Variants in ADGRA3 observed in about 807,000 individuals in gnomAD.
ADGRA3 encodes the protein G-protein coupled receptor 125.
In ADGRA3, 56 loss-of-function variants were observed where a neutral mutation model predicts 119.8. That is an observed-to-expected ratio of 0.47 (90% confidence interval 0.38 to 0.58). ADGRA3 has a LOEUF of 0.58. Ranked by LOEUF, ADGRA3 falls within the 20% of genes least tolerant of loss-of-function variation. The probability of loss-of-function intolerance (pLI) is 0.00; values close to 1 mark genes in which losing one functional copy is unlikely to be tolerated. For synonymous variants in ADGRA3, 607 were observed against 623.8 expected (o/e 0.97, Z 0.40); for missense variants, 1,516 against 1,649.0 (o/e 0.92, Z 1.40).
intron 10 of ADGRA3, among the ~76,000 whole-genome samples, chr4:22,433,009 A>C (rs1398906691): frequency 6.6e-6 from 1 of 152,228 alleles, no homozygotes; most frequent in Non-Finnish European, 1.5e-5. Context: ...GAAGCCCTCA[A>C]GCCTCCTAGT....
intron 1 of ADGRA3, among the ~76,000 whole-genome samples, chr4:22,510,500 G>C (rs1167735240): frequency 4.6e-5 from 7 of 151,920 alleles, no homozygotes; most frequent in African/African-American, 1.7e-4. Flanking sequence ...CTATGTTCTA[G>C]TGTGGTTCTG....
Position 22,455,669 on chromosome 4 carries a change from T to C in ADGRA3, c.402-732A>G, listed in dbSNP as rs1717211276. ...GTAAAAGTTTTAGTTAATATTTTGTTCTATCCCTCTTTATTTACTTTGCTT... is the reference window on the plus strand; with the variant it reads ...GTAAAAGTTTTAGTTAATATTTTGTCCTATCCCTCTTTATTTACTTTGCTT... On this transcript the variant is annotated intron_variant, in intron 3 of 18. Coordinates refer to ENST00000334304, the MANE Select transcript of ADGRA3 (RefSeq NM_145290.4). The C allele has an allele frequency of 1.3e-5, 4 of 318,306 alleles. No individual in the cohort carries two copies. The South Asian group carries it at 1.6e-4, about 13-fold the overall frequency. The allele number at this position is 318,306 out of a possible 1,614,324, so 19.7% of individuals were successfully genotyped here.
At chr4:22,466,305 T>C (rs1340775757) in intron 2 of ADGRA3, among the ~76,000 whole-genome samples, 1 of 152,168 alleles carries the variant, frequency 6.6e-6, no homozygotes, top group Non-Finnish European at 1.5e-5. Context: ...CTCTCACCTC[T>C]AGACCTCTGC....
intron 1 of ADGRA3, among the ~76,000 whole-genome samples, chr4:22,511,698 A>G (rs1564134): frequency 1 from 151,494 of 152,024 alleles, 75,484 homozygotes; most frequent in Middle Eastern, 1. Flanking sequence ...TCCTCGACTC[A>G]GCCCCTACAG....
chr4:22,399,624 T>C (rs929936481), intron 16 of ADGRA3, among the ~76,000 whole-genome samples: 26 of 152,232 alleles, frequency 1.7e-4, no homozygotes, highest in African/African-American at 2.9e-4. Context: ...ATCCCCTCTG[T>C]TGTACATCAA....
intron 1 of ADGRA3, among the ~76,000 whole-genome samples, chr4:22,479,851 T>C (rs557979645): frequency 3.8e-4 from 58 of 152,266 alleles, no homozygotes; most frequent in African/African-American, 1.3e-3. Flanking sequence ...TGCAGGGACA[T>C]GGATGAAGCT....
chr4:22,455,792 C>A, intron 3 of ADGRA3: 1 of 1,285,692 alleles, frequency 7.8e-7, no homozygotes, highest in Non-Finnish European at 1.0e-6. Context: ...TAACCACTGA[C>A]AATATCTGTA....
intron 1 of ADGRA3, among the ~76,000 whole-genome samples, chr4:22,484,492 C>A (rs188590839): frequency 6.6e-5 from 10 of 151,852 alleles, no homozygotes; most frequent in Non-Finnish European, 1.5e-5. Context: ...GTAATCCCAG[C>A]TACTAGGAAG....
At position 22,435,388 on chromosome 4, in the gene ADGRA3, C is replaced by T; in HGVS notation, c.1366G>A (p.Asp456Asn). The T allele has an allele frequency of 6.2e-7, 1 of 1,613,670 alleles. No homozygotes were observed. Among genetic ancestry groups the T allele is most frequent in the Non-Finnish European group, 8.5e-7 (1 of 1,179,718 alleles). The change falls in exon 10 of 19, where the codon GAC becomes AAC. Residue 456 changes from aspartate (D) to asparagine (N), a missense_variant. Asp to Asn is a conservative substitution (Grantham distance 23). Around this residue, in one of 2 missense-constraint regions of ADGRA3, gnomAD observed 1,088 missense variants for 1,107.1 expected, o/e 0.98. Transcript: ENST00000334304. Reference sequence around the variant, plus strand: ...GCCACAAATATAACATCCATTTTGTCAGAAAAGTTGGCTGCTTCCACAGTG... The same window carrying T: ...GCCACAAATATAACATCCATTTTGTTAGAAAAGTTGGCTGCTTCCACAGTG... Reference protein sequence around the residue: ...AYTVEAANFSDKMDVIFVAEM... With the variant: ...AYTVEAANFSNKMDVIFVAEM...
chr4:22,478,074 T>G (rs1384582723), intron 1 of ADGRA3: 3 of 152,132 alleles, frequency 2.0e-5, no homozygotes, highest in Admixed American at 6.5e-5. Flanking sequence ...CCATTTCTGT[T>G]CTATACTAAT....
intron 1 of ADGRA3, among the ~76,000 whole-genome samples, chr4:22,507,516 T>C (rs1485319824): frequency 6.6e-6 from 1 of 152,174 alleles, no homozygotes; most frequent in Non-Finnish European, 1.5e-5. Context: ...TTAAACCATC[T>C]TTACAGGCTC....
chr4:22,483,612 C>G (rs1718323132), intron 1 of ADGRA3, among the ~76,000 whole-genome samples: 1 of 152,126 alleles, frequency 6.6e-6, no homozygotes, highest in African/African-American at 2.4e-5. Flanking sequence ...AAACTGATAG[C>G]AAAAGAATCT....
At chr4:22,446,997 C>A (rs558589258) in intron 5 of ADGRA3, among the ~76,000 whole-genome samples, 1 of 151,020 alleles carries the variant, frequency 6.6e-6, no homozygotes, top group Admixed American at 6.6e-5. Flanking sequence ...AATGAATATC[C>A]CTAGAAACAT....
At chr4:22,419,739 T>C (rs368656892) in intron 12 of ADGRA3, among the ~76,000 whole-genome samples, 19 of 152,264 alleles carry the variant, frequency 1.2e-4, no homozygotes, top group African/African-American at 4.6e-4. Context: ...TCTAGTCTTT[T>C]ATAGTATGTT....
At chr4:22,417,614 C>G (rs1715481507) in intron 12 of ADGRA3, among the ~76,000 whole-genome samples, 1 of 152,152 alleles carries the variant, frequency 6.6e-6, no homozygotes, top group African/African-American at 2.4e-5. Flanking sequence ...GACTGTCTGG[C>G]TACAGAGAGA....
intron 1 of ADGRA3, among the ~76,000 whole-genome samples, chr4:22,495,779 G>A (rs777834057): frequency 1.1e-4 from 17 of 151,940 alleles, no homozygotes; most frequent in East Asian, 1.9e-4. Flanking sequence ...CGTGGTGGCC[G>A]GCACCTGTAG....
rs564403899 is a variant in ADGRA3 at position 22,425,225 on chromosome 4, T to A, written c.1444-873A>T. On this transcript the variant is annotated intron_variant, in intron 10 of 18. Transcript: ENST00000334304. Reference sequence around the variant, plus strand: ...ATCCCCTTGCACACGTGGTTTCCTATACCTAGAATGAACTGCATCTTCCCT... The same window carrying A: ...ATCCCCTTGCACACGTGGTTTCCTAAACCTAGAATGAACTGCATCTTCCCT... Among the ~76,000 whole-genome samples the A allele has an allele frequency of 5.9e-5, 9 of 152,320 alleles. No individual in the cohort carries two copies. The South Asian group carries it at 6.2e-4, about 11-fold the overall frequency.
intron 7 of ADGRA3, among the ~76,000 whole-genome samples, chr4:22,439,644 T>C (rs567968604): frequency 1.3e-5 from 2 of 152,280 alleles, no homozygotes; most frequent in South Asian, 4.2e-4. Flanking sequence ...TTTACTAAGT[T>C]AGAAAAATAA....
At chr4:22,457,342 G>A (rs954534942) in intron 3 of ADGRA3, among the ~76,000 whole-genome samples, 18 of 152,172 alleles carry the variant, frequency 1.2e-4, no homozygotes, top group Admixed American at 2.6e-4. Context: ...TAAGGGAGAT[G>A]CACAACTGAA....
Sources: gnomAD v4.1 joint callset for allele counts (sites outside exome capture counted in the v4.1 genomes callset) on GRCh38, gnomAD v4.1.1 for gene constraint, gnomAD v4.1.1 regional missense constraint, MANE v1.5 for transcripts, NCBI Gene and HGNC (gene_info 2026-07-23, HGNC 2026-07-21) for gene names.